The following EBF2 variants were observed in gnomAD, a reference collection of about 807,000 sequenced individuals.
EBF2 encodes transcription factor COE2.
Under a neutral mutation model 72.8 loss-of-function variants are expected in EBF2, and 21 were observed. The ratio of observed to expected loss-of-function variants is 0.29; its 90% CI spans 0.20 to 0.42. The LOEUF is 0.42. EBF2 is among the 10% of genes least tolerant of loss of function. The probability of loss-of-function intolerance (pLI) is 1.00; values close to 1 mark genes in which losing one functional copy is unlikely to be tolerated. For missense variants in EBF2, 637 were observed against 731.2 expected (o/e 0.87, Z 1.49); for synonymous variants, 299 against 274.2 (o/e 1.09, Z -0.89).
At chr8:25,899,934 T>C (rs1802923648) in intron 7 of EBF2, among the ~76,000 whole-genome samples, 2 of 152,188 alleles carry the variant, frequency 1.3e-5, no homozygotes. Context: ...TTTCTGCCCT[T>C]GGTTCCCTTC....
At chr8:26,028,899 T>G (rs1163160326) in intron 6 of EBF2, among the ~76,000 whole-genome samples, 6 of 152,202 alleles carry the variant, frequency 3.9e-5, no homozygotes, top group African/African-American at 1.2e-4. Flanking sequence ...CAGGAGACCC[T>G]TGATTCAGCA....
chr8:26,012,916 G>T (rs954636414), intron 6 of EBF2, among the ~76,000 whole-genome samples: 1 of 152,172 alleles, frequency 6.6e-6, no homozygotes, highest in Non-Finnish European at 1.5e-5. Flanking sequence ...TAGGTGTTAG[G>T]CATTATTCTA....
At chr8:25,858,208 C>T (rs1306985579) in intron 14 of EBF2, 111 bp downstream of exon 14, 1 of 1,331,392 alleles carries the variant, frequency 7.5e-7, no homozygotes, top group Non-Finnish European at 1.1e-6. Context: ...AACTAGGCTG[C>T]TCCCCGACAA....
chr8:26,011,336 A>G (rs868158675), intron 6 of EBF2, among the ~76,000 whole-genome samples: 24 of 152,152 alleles, frequency 1.6e-4, no homozygotes, highest in African/African-American at 5.1e-4. Flanking sequence ...GCGACCAATC[A>G]TTTTCCTTTC....
At chr8:25,851,549 C>A (rs1801974358) in intron 14 of EBF2, among the ~76,000 whole-genome samples, 1 of 152,108 alleles carries the variant, frequency 6.6e-6, no homozygotes, top group African/African-American at 2.4e-5. Context: ...TTATATCATG[C>A]AAGATGATAA....
intron 10 of EBF2, among the ~76,000 whole-genome samples, chr8:25,886,222 T>C (rs1463199749): frequency 1.3e-5 from 2 of 152,236 alleles, no homozygotes; most frequent in African/African-American, 2.4e-5. Flanking sequence ...CGTTGTCTCC[T>C]TCAAAAGTTT....
chr8:25,866,171 T>G (rs922538353), intron 10 of EBF2, among the ~76,000 whole-genome samples: 2 of 152,082 alleles, frequency 1.3e-5, no homozygotes, highest in African/African-American at 4.8e-5. Flanking sequence ...GATAGATGCA[T>G]TAATCCCATT....
At chr8:25,858,174 G>T (rs765086707) in intron 14 of EBF2, 145 bp downstream of exon 14, 2 of 1,027,484 alleles carry the variant, frequency 1.9e-6, no homozygotes, top group Admixed American at 2.0e-5. Context: ...AAGAACGAAA[G>T]GCAGGAAGGA....
intron 6 of EBF2, among the ~76,000 whole-genome samples, chr8:26,024,893 C>T (rs1805275498): frequency 6.6e-6 from 1 of 152,024 alleles, no homozygotes; most frequent in South Asian, 2.1e-4. Context: ...GATTTAAATG[C>T]CATGTGATGT....
At chr8:25,846,410 G>A (rs1801837286) in intron 15 of EBF2, among the ~76,000 whole-genome samples, 3 of 152,236 alleles carry the variant, frequency 2.0e-5, no homozygotes, top group South Asian at 2.1e-4. Flanking sequence ...ACTCCTGGCT[G>A]GGCACGGTGG....
chr8:25,915,147 G>A (rs142112040), intron 6 of EBF2, among the ~76,000 whole-genome samples: 1 of 152,206 alleles, frequency 6.6e-6, no homozygotes, highest in Admixed American at 6.5e-5. Flanking sequence ...CCTTACAGAG[G>A]AGATAAACAA....
chr8:26,014,209 C>T (rs896325745), intron 6 of EBF2, among the ~76,000 whole-genome samples: 2 of 151,972 alleles, frequency 1.3e-5, no homozygotes, highest in African/African-American at 4.8e-5. Context: ...CTTAACTTAT[C>T]AAAGATTCAC....
intron 6 of EBF2, among the ~76,000 whole-genome samples, chr8:26,025,251 T>C (rs747807761): frequency 1.3e-5 from 2 of 152,168 alleles, no homozygotes; most frequent in Non-Finnish European, 2.9e-5. Flanking sequence ...GTACCATCCA[T>C]TGACCTAGTC....
intron 6 of EBF2, among the ~76,000 whole-genome samples, chr8:25,958,760 T>C (rs1803989152): frequency 6.6e-6 from 1 of 152,208 alleles, no homozygotes; most frequent in Admixed American, 6.5e-5. Context: ...GAACGGCGGC[T>C]TTCCCTTTCT....
chr8:25,999,073 T>C (rs540062707), intron 6 of EBF2, among the ~76,000 whole-genome samples: 1 of 152,200 alleles, frequency 6.6e-6, no homozygotes, highest in African/African-American at 2.4e-5. Context: ...GAAAATCAGG[T>C]TGATGTTACT....
intron 6 of EBF2, among the ~76,000 whole-genome samples, chr8:26,021,627 C>T (rs976397121): frequency 6.6e-6 from 1 of 152,152 alleles, no homozygotes; most frequent in African/African-American, 2.4e-5. Flanking sequence ...CCAAATATTG[C>T]ATGGGACAAA....
At chr8:25,863,319 C>A (rs998576077) in intron 10 of EBF2, among the ~76,000 whole-genome samples, 2 of 152,134 alleles carry the variant, frequency 1.3e-5, no homozygotes, top group Admixed American at 6.5e-5. Flanking sequence ...TATTTAATTA[C>A]ACCCACGTCT....
At chr8:25,853,767 C>T (rs1802029829) in intron 14 of EBF2, among the ~76,000 whole-genome samples, 1 of 151,774 alleles carries the variant, frequency 6.6e-6, no homozygotes, top group Non-Finnish European at 1.5e-5. Context: ...TTAGCCTATA[C>T]AATAGAAGGC....
chr8:25,977,354 T>C (rs1250975665), intron 6 of EBF2, among the ~76,000 whole-genome samples: 2 of 152,112 alleles, frequency 1.3e-5, no homozygotes, highest in Non-Finnish European at 2.9e-5. Flanking sequence ...AATTCCTCTA[T>C]CAAACACGAG....
Sources: gnomAD v4.1 joint callset for allele counts (sites outside exome capture counted in the v4.1 genomes callset) on GRCh38, gnomAD v4.1.1 for gene constraint, MANE v1.5 for transcripts, NCBI Gene and HGNC (gene_info 2026-07-23, HGNC 2026-07-21) for gene names.